The following UBE3B variants were observed in gnomAD, a reference collection of about 807,000 sequenced individuals.
UBE3B encodes the protein ubiquitin-protein ligase E3B.
A neutral mutation model predicts 132.3 loss-of-function variants in UBE3B; 80 were observed. The ratio of observed to expected loss-of-function variants is 0.60; its 90% CI spans 0.50 to 0.73. The LOEUF is 0.73. Ranked by LOEUF, UBE3B falls within the 30% of genes least tolerant of loss-of-function variation. The probability of loss-of-function intolerance (pLI) is 0.00; values close to 1 mark genes in which losing one functional copy is unlikely to be tolerated. For synonymous variants in UBE3B, 487 were observed against 520.4 expected (o/e 0.94, Z 0.87); for missense variants, 1,196 against 1,362.5 (o/e 0.88, Z 1.92).
rs2135903563 is a variant in UBE3B at position 109,498,230 on chromosome 12, C to T, written c.820-3C>T. ...TGATTTAACGGTCTGCTATTCTTTGCAGCGCCTCACTGTTTTAGAATCCCA... is the reference window on the plus strand; with the variant it reads ...TGATTTAACGGTCTGCTATTCTTTGTAGCGCCTCACTGTTTTAGAATCCCA... On this transcript the variant is annotated splice_region_variant and splice_polypyrimidine_tract_variant and intron_variant, in intron 10 of 27. Coordinates refer to ENST00000342494, the MANE Select transcript of UBE3B (RefSeq NM_130466.4). The T allele has an allele frequency of 6.2e-7, 1 of 1,613,802 alleles. No individual in the cohort carries two copies.
chr12:109,532,828 T>G lies in UBE3B; in HGVS notation c.2923-638T>G, dbSNP rs572774756. On this transcript the variant is annotated intron_variant, in intron 26 of 27. Transcript: ENST00000342494. ...CTCTGGGGCCTCATTTTTGTCAGTG[T>G]GCTGAGAGGTTATTAGTCTCTTGCA... is the stretch of plus-strand genomic sequence containing the variant. Among the ~76,000 whole-genome samples the G allele has an allele frequency of 7.3e-3, 1,113 of 152,324 alleles. 10 individuals are homozygous for G. Among genetic ancestry groups the G allele is most frequent in the African/African-American group, 0.026 (1,081 of 41,570 alleles).
chr12:109,517,928 GTGCCCC>G (rs759613604), intron 19 of UBE3B: 9 of 445,004 alleles, frequency 2.0e-5, no homozygotes, highest in Non-Finnish European at 3.6e-5. Flanking sequence ...GCTTGTTTGA[GTGCCCC>G]TGGCCACTGG....
chr12:109,517,508 A>G (rs1881205795), intron 19 of UBE3B, among the ~76,000 whole-genome samples: 1 of 152,164 alleles, frequency 6.6e-6, no homozygotes, highest in Non-Finnish European at 1.5e-5. Context: ...TGTTGGTACA[A>G]GACCGTGCCT....
Position 109,524,111 on chromosome 12 carries a change from T to G in UBE3B, c.2498T>G (p.Ile833Ser). The change falls in exon 22 of 28, where the codon ATC (isoleucine) becomes AGC (serine). Residue 833 changes from isoleucine (I) to serine (S), a missense_variant. Ile to Ser is a moderately radical substitution (Grantham distance 142). Coordinates refer to ENST00000342494, the MANE Select transcript of UBE3B (RefSeq NM_130466.4). ...GAGTTCTATAAAAACCTCACCTCCATCAAGGTGAGCATGGAATGGTGGGTG... is the reference window on the plus strand; with the variant it reads ...GAGTTCTATAAAAACCTCACCTCCAGCAAGGTGAGCATGGAATGGTGGGTG... ...DSEFYKNLTSIKRYDGDITDL... is the reference protein window; with the variant it reads ...DSEFYKNLTSSKRYDGDITDL... 6.2e-7 allele frequency: 1 copy of G among 1,614,094 alleles called. No homozygotes were observed. The highest frequency in any genetic ancestry group is 8.5e-7 in the Non-Finnish European group (1 of 1,180,020).
Position 109,534,328 on chromosome 12 carries a change from G to A in UBE3B, c.3016-263G>A. The A allele has an allele frequency of 7.1e-7, 1 of 1,407,660 alleles. No individual in the cohort carries two copies. Among genetic ancestry groups the A allele is most frequent in the East Asian group, 2.6e-5 (1 of 38,050 alleles). The allele number at this position is 1,407,660 out of a possible 1,614,324, so 87.2% of individuals were successfully genotyped here. A position where few individuals can be genotyped will look rare whatever the true frequency, so the allele number is the denominator to read the frequency against. On this transcript the variant is annotated intron_variant, in intron 27 of 27. Transcript: ENST00000342494. This position sits in a 1 kb window ranked among gnomAD's most constrained non-coding sequence, Gnocchi z 5.2. Reference sequence around the variant, plus strand: ...AATTGGTTAACCAGTAATTCGCTGTGAACCGGAAGGCCCCATTTCCAAAAG... The same window carrying A: ...AATTGGTTAACCAGTAATTCGCTGTAAACCGGAAGGCCCCATTTCCAAAAG...
Position 109,495,019 on chromosome 12 carries a change from A to G in UBE3B, c.714-2799A>G, listed in dbSNP as rs567130296. On this transcript the variant is annotated intron_variant, in intron 9 of 27. Coordinates refer to ENST00000342494, the MANE Select transcript of UBE3B (RefSeq NM_130466.4). Reference sequence around the variant, plus strand: ...TTTCTCTGTGATTTGCTTTTCTTCTATTTAGGGAATTGTGCTCTTCTGTTT... The same window carrying G: ...TTTCTCTGTGATTTGCTTTTCTTCTGTTTAGGGAATTGTGCTCTTCTGTTT... Among the ~76,000 whole-genome samples the G allele has an allele frequency of 2.2e-3, 335 of 152,316 alleles. 2 individuals are homozygous for G. Among genetic ancestry groups the G allele is most frequent in the Non-Finnish European group, 3.4e-3 (233 of 68,024 alleles).
intron 5 of UBE3B, 34 bp from the exon 6 acceptor site, chr12:109,486,437 C>G (rs770965255): frequency 2.0e-6 from 3 of 1,520,562 alleles, no homozygotes; most frequent in Non-Finnish European, 2.7e-6. Context: ...ATCTCTATAA[C>G]AGCCCATGAC....
In UBE3B at chr12:109,524,583, A is replaced by G. The variant is rs908007112; in HGVS notation, c.2568+80A>G. On this transcript the variant is annotated intron_variant, in intron 23 of 27. Transcript: ENST00000342494. ...ACCTGCCGTGTTATTTGTTTTCCTC[A>G]GAAAGAGCCCCAAGCTGAGGCTCTG... The G allele has an allele frequency of 4.7e-6, 7 of 1,494,712 alleles. No homozygotes were observed. The African/African-American group carries it at 8.3e-5, about 18-fold the overall frequency. 92.6% of individuals were successfully genotyped at this position (1,494,712 alleles called of 1,614,324 possible). A position where few individuals can be genotyped will look rare whatever the true frequency, so the allele number is the denominator to read the frequency against.
At chr12:109,516,165 TTC>T (rs1881014298) in intron 18 of UBE3B, among the ~76,000 whole-genome samples, 1 of 146,560 alleles carries the variant, frequency 6.8e-6, no homozygotes, top group Admixed American at 7.0e-5. Flanking sequence ...TTTCTTTTTT[TTC>T]TTTTTTTTTT....
At position 109,486,032 on chromosome 12, in the gene UBE3B, C is replaced by T. The variant is rs1410669159; in HGVS notation, c.303C>T (p.Arg101=). 6.4e-7 allele frequency: 1 copy of T among 1,554,684 alleles called. No homozygotes were observed. The highest frequency in any genetic ancestry group is 1.9e-5 in the Admixed American group (1 of 51,324). The change falls in exon 5 of 28, where the codon CGC becomes CGT. Residue 101 remains arginine, a synonymous_variant. Transcript: ENST00000342494. ...EDNERFEKLC[R]SILSSMDAEN... ...TGCAGAGATTTGAGAAGTTGTGTCG[C>T]AGCATCCTGAGCAGCATGGATGCTG...
At chr12:109,506,523 T>C (rs190888569) in intron 14 of UBE3B, among the ~76,000 whole-genome samples, 1 of 152,222 alleles carries the variant, frequency 6.6e-6, no homozygotes, top group Non-Finnish European at 1.5e-5. Context: ...TGATTTTGTA[T>C]TTTTTAGTAG....
At chr12:109,491,866 A>G (rs1877512006) in intron 9 of UBE3B, 1 of 152,224 alleles carries the variant, frequency 6.6e-6, no homozygotes. Context: ...GCAGGACCCC[A>G]TGGGCTTATT....
intron 9 of UBE3B, chr12:109,492,783 GAT>G (rs1372326200): frequency 1.3e-5 from 2 of 150,588 alleles, no homozygotes; most frequent in Non-Finnish European, 3.0e-5. Flanking sequence ...TTAGTATAAT[GAT>G]ATGTTTTTAT....
chr12:109,516,789 G>T lies in UBE3B; in HGVS notation c.1981G>T (p.Val661Phe). The T allele has an allele frequency of 6.2e-7, 1 of 1,613,964 alleles. No homozygotes were observed. The highest frequency in any genetic ancestry group is 8.5e-7 in the Non-Finnish European group (1 of 1,179,990). ...GAGAGTTCTACTGTTTCGAACCATG[G>T]TTACCAAGGAGAAGGAGAAACTGGG... ...KNRVLLFRTM[V>F]TKEKEKLGLV... Residue 661 changes from valine (V) to phenylalanine (F), a missense_variant, in exon 19 of 28, where the codon GTT becomes TTT. Transcript: ENST00000342494.
Position 109,525,340 on chromosome 12 carries a change from A to G in UBE3B, c.2568+837A>G, listed in dbSNP as rs112836524. 2.2e-3 allele frequency among the ~76,000 whole-genome samples: 339 copies of G among 152,348 alleles called. 1 individual carries two copies. Among genetic ancestry groups the G allele is most frequent in the African/African-American group, 7.6e-3 (316 of 41,582 alleles). On this transcript the variant is annotated intron_variant, in intron 23 of 27. Transcript: ENST00000342494. ...CAAGCTTCCCTACATCCTGGGACACAGAACTCTTCTTTGAAGGAAGGAAAG... is the reference window on the plus strand; with the variant it reads ...CAAGCTTCCCTACATCCTGGGACACGGAACTCTTCTTTGAAGGAAGGAAAG...
rs201336062 is a variant in UBE3B, at chr12:109,486,580, C to CAAAAAAAAAAAAA, written c.447+16_447+28dup. ...GATTTTCTCAAGCAGCTCAAGGTAA[C>CAAAAAAAAAAAAA]AAAAAAAAAAAAAAAAAAAAAAAGC... On this transcript the variant is annotated splice_donor_region_variant and intron_variant, in intron 6 of 27. Transcript: ENST00000342494. 49 of 562,714 alleles carry CAAAAAAAAAAAAA rather than the reference C, an allele frequency of 8.7e-5. 2 individuals are homozygous for CAAAAAAAAAAAAA. Among genetic ancestry groups the CAAAAAAAAAAAAA allele is most frequent in the Admixed American group, 4.8e-4 (10 of 20,856 alleles). 34.9% of individuals were successfully genotyped at this position (562,714 alleles called of 1,614,324 possible).
intron 12 of UBE3B, among the ~76,000 whole-genome samples, chr12:109,500,386 C>T (rs1201982242): frequency 6.6e-6 from 1 of 152,220 alleles, no homozygotes; most frequent in Non-Finnish European, 1.5e-5. Flanking sequence ...AGCTCTGCTG[C>T]CCCAGCTGTT....
chr12:109,490,309 G>T, intron 8 of UBE3B: 1 of 1,306,788 alleles, frequency 7.7e-7, no homozygotes, highest in Non-Finnish European at 1.0e-6. Context: ...ATTCCTTCTT[G>T]GTTGATGTCT....
rs201336062 is a variant in UBE3B, at chr12:109,486,580, CAAAA to C, written c.447+25_447+28del. 27,177 of 554,086 alleles carry C rather than the reference CAAAA, an allele frequency of 0.049. 56 individuals are homozygous for C. Among genetic ancestry groups the C allele is most frequent in the Non-Finnish European group, 0.054 (20,930 of 385,350 alleles). 34.3% of individuals were successfully genotyped at this position (554,086 alleles called of 1,614,324 possible). Reference sequence around the variant, plus strand: ...GATTTTCTCAAGCAGCTCAAGGTAACAAAAAAAAAAAAAAAAAAAAAAAGCAAAA... The same window carrying C: ...GATTTTCTCAAGCAGCTCAAGGTAACAAAAAAAAAAAAAAAAAAAGCAAAA... On this transcript the variant is annotated splice_donor_region_variant and intron_variant, in intron 6 of 27. Transcript: ENST00000342494.
Sources: gnomAD v4.1 joint callset for allele counts (sites outside exome capture counted in the v4.1 genomes callset) on GRCh38, gnomAD v4.1.1 for gene constraint, Gnocchi (gnomAD v3.1) non-coding constraint, MANE v1.5 for transcripts, NCBI Gene and HGNC (gene_info 2026-07-23, HGNC 2026-07-21) for gene names.